The following CLMN variants were observed in gnomAD, a reference collection of about 807,000 sequenced individuals.
The protein encoded by CLMN is calmin (calponin-like, transmembrane).
Under a neutral mutation model 92.7 loss-of-function variants are expected in CLMN, and 57 were observed. That is an observed-to-expected ratio of 0.61 (90% CI 0.50 to 0.77). The LOEUF (loss-of-function observed/expected upper bound fraction) is 0.77, where lower values mean the gene tolerates loss of function less well. Ranked by LOEUF, CLMN falls within the 30% of genes least tolerant of loss-of-function variation. The pLI is 0.00. For synonymous variants in CLMN, 466 were observed against 470.6 expected, an observed-to-expected ratio of 0.99 and a Z score of 0.13; for missense variants, 1,158 against 1,237.5, an observed-to-expected ratio of 0.94 and a Z score of 0.96.
At chr14:95,204,659 ACT>A in intron 8 of CLMN, among the ~76,000 whole-genome samples, 196 bp from the exon 9 acceptor site, 1 of 152,140 alleles carries the variant, frequency 6.6e-6, no homozygotes, top group East Asian at 1.9e-4. Context: ...GTTAGAGAAG[ACT>A]CTTGTTCCTG....
At chr14:95,208,647 C>T (rs1198268367) in intron 8 of CLMN, among the ~76,000 whole-genome samples, 1 of 152,198 alleles carries the variant, frequency 6.6e-6, no homozygotes, top group Admixed American at 6.5e-5. Context: ...AGTTTCCATC[C>T]TGCTTTGAAA....
At chr14:95,227,845 C>T (rs1285772480) in intron 2 of CLMN, among the ~76,000 whole-genome samples, 2 of 152,234 alleles carry the variant, frequency 1.3e-5, no homozygotes, top group African/African-American at 4.8e-5. Flanking sequence ...ATATTTCTGA[C>T]AGCCTTCAAA....
chr14:95,230,240 G>A, intron 1 of CLMN, 107 bp from the exon 2 acceptor site: 1 of 1,018,614 alleles, frequency 9.8e-7, no homozygotes, highest in South Asian at 1.3e-5. Flanking sequence ...CAGAACCCCA[G>A]GGTGTCCCAT....
intron 1 of CLMN, among the ~76,000 whole-genome samples, chr14:95,278,004 G>A (rs1199574392): frequency 3.9e-5 from 6 of 152,314 alleles, no homozygotes; most frequent in East Asian, 1.9e-4. Context: ...TGATATTTGC[G>A]TGACCTTTGC....
At chr14:95,273,872 C>CCT (rs1899812849) in intron 1 of CLMN, among the ~76,000 whole-genome samples, 3 of 152,112 alleles carry the variant, frequency 2.0e-5, no homozygotes, top group African/African-American at 4.8e-5. Context: ...ATAAACCGAT[C>CCT]GTACATGAAC....
chr14:95,193,861 C>T lies in CLMN; in HGVS notation c.2828G>A (p.Arg943Gln), dbSNP rs557043411. 78 of 1,614,056 alleles carry T rather than the reference C, an allele frequency of 4.8e-5. No homozygotes were observed. Among genetic ancestry groups the T allele is most frequent in the South Asian group, 4.4e-4 (40 of 91,032 alleles). ...NAADLDDRRN[R>Q]ILTRKANSSG... is the part of the protein sequence containing the mutation. ...TAAAGCCACCAACCTGGTTAATATT[C>T]GGTTTCTTCTGTCATCCAGATCTGC... The change falls in exon 12 of 13, where the codon CGA becomes CAA. Residue 943 changes from arginine to glutamine, a missense_variant. Transcript: ENST00000298912.
chr14:95,213,079 GC>G, intron 6 of CLMN, 139 bp downstream of exon 6: 1 of 894,610 alleles, frequency 1.1e-6, no homozygotes, highest in Non-Finnish European at 1.7e-6. Context: ...GAGCCACCGC[GC>G]CTGCCCCCTG....
At chr14:95,198,569 G>A (rs1896790552) in intron 9 of CLMN, among the ~76,000 whole-genome samples, 1 of 152,142 alleles carries the variant, frequency 6.6e-6, no homozygotes, top group African/African-American at 2.4e-5. Context: ...CTGGGCAGGT[G>A]AGGCAGCGGA....
intron 8 of CLMN, among the ~76,000 whole-genome samples, chr14:95,206,966 T>G (rs1897062079): frequency 6.6e-6 from 1 of 152,014 alleles, no homozygotes; most frequent in African/African-American, 2.4e-5. Flanking sequence ...TTTTTTTTTT[T>G]GCTTAAAACA....
In CLMN at chr14:95,240,990, A is replaced by C. The variant is rs1898222760; in HGVS notation, c.83-10857T>G. 1.3e-5 allele frequency among the ~76,000 whole-genome samples: 2 copies of C among 152,168 alleles called. 1 individual carries two copies. The highest frequency in any genetic ancestry group is 4.1e-4 in the South Asian group (2 of 4,820). ...CCTGGATTGGCTCAAGTGCGGAAGA[A>C]AGGTGTGATCTGTTGTGTTGTCCCT... is the stretch of plus-strand genomic sequence containing the variant. On this transcript the variant is annotated intron_variant, in intron 1 of 12. Coordinates refer to ENST00000298912, the MANE Select transcript of CLMN (RefSeq NM_024734.4).
At chr14:95,264,437 C>A (rs566875903) in intron 1 of CLMN, among the ~76,000 whole-genome samples, 1 of 152,238 alleles carries the variant, frequency 6.6e-6, no homozygotes, top group South Asian at 2.1e-4. Flanking sequence ...TGGGTTAGTC[C>A]CGTAAAACAT....
At chr14:95,306,128 G>A (rs917443972) in intron 1 of CLMN, among the ~76,000 whole-genome samples, 5 of 152,146 alleles carry the variant, frequency 3.3e-5, no homozygotes, top group African/African-American at 1.2e-4. Flanking sequence ...AGGTGACAGT[G>A]ACAGGCAGTC....
Position 95,203,598 on chromosome 14 carries a change from G to A in CLMN, c.1751C>T (p.Pro584Leu). Reference sequence around the variant, plus strand: ...GTCAGGTTTTGTCTCATGAGGTGAAGGAACTTTGTTGAAAGCCTGGCTGGT... The same window carrying A: ...GTCAGGTTTTGTCTCATGAGGTGAAAGAACTTTGTTGAAAGCCTGGCTGGT... ...ASTSQAFNKVPSPHETKPDED... is the reference protein window; with the variant it reads ...ASTSQAFNKVLSPHETKPDED... Residue 584 changes from proline to leucine, a missense_variant, in exon 9 of 13, where the codon CCT becomes CTT. By Grantham distance (98) the Pro-to-Leu change is moderately conservative. Transcript: ENST00000298912. 2 of 1,614,146 alleles carry A rather than the reference G, an allele frequency of 1.2e-6. No individual in the cohort carries two copies. Among genetic ancestry groups the A allele is most frequent in the Non-Finnish European group, 1.7e-6 (2 of 1,180,018 alleles).
chr14:95,221,209 A>G (rs1355178187), intron 4 of CLMN, among the ~76,000 whole-genome samples: 1 of 152,204 alleles, frequency 6.6e-6, no homozygotes, highest in African/African-American at 2.4e-5. Flanking sequence ...GCAGGGTTCC[A>G]GGCACAGAAA....
chr14:95,246,713 T>A (rs879614148), intron 1 of CLMN, among the ~76,000 whole-genome samples: 1 of 152,182 alleles, frequency 6.6e-6, no homozygotes, highest in Non-Finnish European at 1.5e-5. Flanking sequence ...GTGATCCTCC[T>A]GCCTCAGCCA....
chr14:95,306,646 G>A (rs896413013), intron 1 of CLMN, among the ~76,000 whole-genome samples: 1 of 152,102 alleles, frequency 6.6e-6, no homozygotes, highest in South Asian at 2.1e-4. Flanking sequence ...CATACCCCAC[G>A]ACCAACAGCA....
chr14:95,188,036 A>C lies in CLMN; in HGVS notation c.*3528T>G, dbSNP rs1001441802. The C allele has an allele frequency of 2.0e-5, 3 of 152,240 alleles. No individual in the cohort carries two copies. Among genetic ancestry groups the C allele is most frequent in the Non-Finnish European group, 4.4e-5 (3 of 68,052 alleles). The allele number at this position is 152,240 out of a possible 1,614,324, so 9.4% of individuals were successfully genotyped here. A position where few individuals can be genotyped will look rare whatever the true frequency, so the allele number is the denominator to read the frequency against. On this transcript the variant is annotated 3_prime_UTR_variant, in exon 13 of 13. Transcript: ENST00000298912. ...GAGTAGTGGGAATATCTCTCAAGAA[A>C]CAGAATGAGCCCCAGAGAAAACACG...
intron 2 of CLMN, among the ~76,000 whole-genome samples, chr14:95,226,909 G>A (rs1432537642): frequency 1.3e-5 from 2 of 152,082 alleles, no homozygotes; most frequent in Non-Finnish European, 2.9e-5. Flanking sequence ...CTTCCACCCC[G>A]GCATGAATTT....
At chr14:95,269,869 C>T (rs1899636157) in intron 1 of CLMN, among the ~76,000 whole-genome samples, 1 of 152,178 alleles carries the variant, frequency 6.6e-6, no homozygotes, top group Non-Finnish European at 1.5e-5. Flanking sequence ...CTCACATGAG[C>T]TCCTCCCCCA....
Sources: gnomAD v4.1 joint callset for allele counts (sites outside exome capture counted in the v4.1 genomes callset) on GRCh38, gnomAD v4.1.1 for gene constraint, MANE v1.5 for transcripts, NCBI Gene and HGNC (gene_info 2026-07-23, HGNC 2026-07-21) for gene names.